The following NRP2 variants were observed in gnomAD, a reference collection of about 807,000 sequenced individuals.
NRP2 encodes the protein neuropilin-2.
NRP2 carries 52 observed loss-of-function variants against 110.4 expected under a neutral mutation model. The ratio of observed to expected loss-of-function variants is 0.47; its 90% CI spans 0.38 to 0.59. NRP2 has a LOEUF of 0.59. NRP2 is among the 20% of genes least tolerant of loss of function. The pLI is 0.00. For synonymous variants in NRP2, 508 were observed against 468.9 expected (o/e 1.08, Z -1.08); for missense variants, 1,049 against 1,203.0 (o/e 0.87, Z 1.89).
Position 205,691,664 on chromosome 2 carries a change from A to C in NRP2, c.74-5880A>C, listed in dbSNP as rs146167914. Reference sequence around the variant, plus strand: ...TGGTTTTTGGAGAGACCTCAAAATTATTCTTCTGTTTCCTTCCCCAAATGT... The same window carrying C: ...TGGTTTTTGGAGAGACCTCAAAATTCTTCTTCTGTTTCCTTCCCCAAATGT... On this transcript the variant is annotated intron_variant, in intron 1 of 16. Transcript: ENST00000357785. Among the ~76,000 whole-genome samples the C allele has an allele frequency of 2.6e-5, 4 of 152,246 alleles. No individual in the cohort carries two copies. In the East Asian group the frequency reaches 7.7e-4, roughly 29 times the overall value.
chr2:205,699,962 C>T (rs955311945), intron 2 of NRP2, among the ~76,000 whole-genome samples: 1 of 151,476 alleles, frequency 6.6e-6, no homozygotes, highest in Non-Finnish European at 1.5e-5. Flanking sequence ...ATTTCTCCCC[C>T]ACTCCCCATT....
At chr2:205,736,376 T>G (rs945898244) in intron 7 of NRP2, among the ~76,000 whole-genome samples, 1 of 152,058 alleles carries the variant, frequency 6.6e-6, no homozygotes, top group African/African-American at 2.4e-5. Context: ...AAATAAAAAA[T>G]ATATGTCCTC....
chr2:205,760,569 A>G (rs1394500652), intron 12 of NRP2, among the ~76,000 whole-genome samples: 1 of 152,010 alleles, frequency 6.6e-6, no homozygotes, highest in African/African-American at 2.4e-5. Flanking sequence ...GTTCCCCTAA[A>G]TCATGCATAG....
At position 205,716,176 on chromosome 2, in the gene NRP2, G is replaced by T. The variant is rs2056890441; in HGVS notation, c.252-17G>T. 1 of 1,613,848 alleles carries T rather than the reference G, an allele frequency of 6.2e-7. No individual in the cohort carries two copies. Among genetic ancestry groups the T allele is most frequent in the Admixed American group, 1.7e-5 (1 of 60,008 alleles). On this transcript the variant is annotated splice_polypyrimidine_tract_variant and intron_variant, in intron 2 of 16. Transcript: ENST00000357785. ...TCCTTCGAGTGATCTTTTCTTGTCTGTGCCATCCCCACCCAGGTATGACTT... is the reference window on the plus strand; with the variant it reads ...TCCTTCGAGTGATCTTTTCTTGTCTTTGCCATCCCCACCCAGGTATGACTT...
intron 14 of NRP2, 149 bp from the exon 15 acceptor site, chr2:205,766,634 G>C (rs1207866933): frequency 1.4e-6 from 1 of 717,170 alleles, no homozygotes; most frequent in Non-Finnish European, 2.5e-6. Context: ...CCTAGAACAT[G>C]TGGAAGATGG....
Position 205,795,292 on chromosome 2 carries a change from G to C in NRP2, c.*234G>C. 1.9e-6 allele frequency: 1 copy of C among 513,574 alleles called. No individual in the cohort carries two copies. The highest frequency in any genetic ancestry group is 3.6e-6 in the Non-Finnish European group (1 of 281,146). 31.8% of individuals were successfully genotyped at this position (513,574 alleles called of 1,614,324 possible). Reference sequence around the variant, plus strand: ...GCTAAGTCATTGCAGGAACGGGGCTGTGTTCTCTGCTGGGACAAAACAGGA... The same window carrying C: ...GCTAAGTCATTGCAGGAACGGGGCTCTGTTCTCTGCTGGGACAAAACAGGA... On this transcript the variant is annotated 3_prime_UTR_variant, in exon 17 of 17. Coordinates refer to ENST00000357785, the MANE Select transcript of NRP2 (RefSeq NM_003872.3).
intron 1 of NRP2, among the ~76,000 whole-genome samples, chr2:205,687,036 T>C (rs911336708): frequency 2.0e-5 from 3 of 152,122 alleles, no homozygotes. Flanking sequence ...GACACATCGC[T>C]TGGGGCCAAA....
At chr2:205,769,000 A>G (rs545319509) in intron 15 of NRP2, among the ~76,000 whole-genome samples, 18 of 152,290 alleles carry the variant, frequency 1.2e-4, no homozygotes, top group African/African-American at 4.1e-4. Flanking sequence ...CACAGCATGC[A>G]ACTCTGCCTT....
chr2:205,756,124 T>C (rs1240529387), intron 12 of NRP2, among the ~76,000 whole-genome samples: 1 of 152,206 alleles, frequency 6.6e-6, no homozygotes, highest in African/African-American at 2.4e-5. Flanking sequence ...GTTTTTGTTT[T>C]TCAAGATAGT....
chr2:205,782,745 C>T (rs983037714), intron 15 of NRP2, among the ~76,000 whole-genome samples: 2 of 152,148 alleles, frequency 1.3e-5, no homozygotes, highest in Non-Finnish European at 2.9e-5. Context: ...TCAGTACATA[C>T]TAATGCATCT....
rs768198234 is a variant in NRP2, at chr2:205,795,045, G to T, written c.2768G>T (p.Cys923Phe). ...HKVKMNHQKC[C>F]SEA is the part of the protein sequence containing the mutation. ...GTCAAGATGAACCACCAAAAGTGCT[G>T]CTCCGAGGCATGACGGATTGCACCT... Residue 923 changes from cysteine (C) to phenylalanine (F), a missense_variant, in exon 17 of 17, where the codon TGC (cysteine) becomes TTC (phenylalanine). Cys to Phe is a radical substitution (Grantham distance 205). Transcript: ENST00000357785. 4 of 1,613,982 alleles carry T rather than the reference G, an allele frequency of 2.5e-6. No homozygotes were observed. The highest frequency in any genetic ancestry group is 2.7e-5 in the African/African-American group (2 of 74,914).
chr2:205,753,745 G>A (rs1422815920), intron 12 of NRP2, among the ~76,000 whole-genome samples: 7 of 152,178 alleles, frequency 4.6e-5, no homozygotes, highest in East Asian at 1.9e-4. Flanking sequence ...GCTTTTTAAC[G>A]TTTGTCACTT....
At chr2:205,762,482 C>T (rs1337606453) in intron 12 of NRP2, 2 of 152,132 alleles carry the variant, frequency 1.3e-5, no homozygotes, top group African/African-American at 4.8e-5. Context: ...GCCCATCTAC[C>T]CTGACAAGTC....
Position 205,682,787 on chromosome 2 carries a change from A to G in NRP2, c.-504A>G, listed in dbSNP as rs113185080. The stretch of plus-strand genomic sequence containing the variant: ...GACAAGAGCAGGGCGGCCGCCTTCC[A>G]CTCGGGCTGTCCGGCGGCGGCTGCC... On this transcript the variant is annotated 5_prime_UTR_variant, in exon 1 of 17. Coordinates refer to ENST00000357785, the MANE Select transcript of NRP2 (RefSeq NM_003872.3). The surrounding 1 kb of genome is among the most constrained non-coding windows in gnomAD (Gnocchi z 4.3). 9,792 of 162,112 alleles carry G rather than the reference A, an allele frequency of 0.06. 396 individuals are homozygous for G. The highest frequency in any genetic ancestry group is 0.13 in the Middle Eastern group (41 of 308). 10.0% of individuals were successfully genotyped at this position (162,112 alleles called of 1,614,324 possible).
At chr2:205,741,751 G>T (rs937692562) in intron 8 of NRP2, among the ~76,000 whole-genome samples, 4 of 152,162 alleles carry the variant, frequency 2.6e-5, no homozygotes, top group African/African-American at 9.7e-5. Flanking sequence ...CCTGTTTGAG[G>T]TTTCTAGTTA....
At position 205,702,829 on chromosome 2, in the gene NRP2, G is replaced by A. The variant is rs532590327; in HGVS notation, c.251+5108G>A. The stretch of plus-strand genomic sequence containing the variant: ...TCTGCATGAGCCCCCTGAGTTCCCA[G>A]GGCTCCAGCCCTCCTTTCCCTCCCT... On this transcript the variant is annotated intron_variant, in intron 2 of 16. Transcript: ENST00000357785. Among the ~76,000 whole-genome samples the A allele has an allele frequency of 2.2e-4, 33 of 152,268 alleles. 1 individual carries two copies. The highest frequency in any genetic ancestry group is 6.7e-4 in the African/African-American group (28 of 41,540).
At position 205,754,135 on chromosome 2, in the gene NRP2, T is replaced by A. The variant is rs150777317; in HGVS notation, c.2044+1160T>A. Among the ~76,000 whole-genome samples the A allele has an allele frequency of 3.9e-5, 6 of 152,364 alleles. No individual in the cohort carries two copies. In the East Asian group the frequency reaches 1.2e-3, roughly 29 times the overall value. On this transcript the variant is annotated intron_variant, in intron 12 of 16. Coordinates refer to ENST00000357785, the MANE Select transcript of NRP2 (RefSeq NM_003872.3). ...TTTGAATTCTCCTGTACTTCTGGCC[T>A]GGACCTGAGACCTCCATAAGCACTG... is the stretch of plus-strand genomic sequence containing the variant.
rs373338064 is a variant in NRP2, at chr2:205,727,882, A to G, written c.991-9A>G. ...TGGTGGTCTCTTACTCCAGCCCTCT[A>G]TTCCCCAGGTGGACCTGCGCTTTTT... On this transcript the variant is annotated splice_polypyrimidine_tract_variant and intron_variant, in intron 6 of 16. Transcript: ENST00000357785. 4.3e-6 allele frequency: 7 copies of G among 1,611,556 alleles called. No individual in the cohort carries two copies. Among genetic ancestry groups the G allele is most frequent in the South Asian group, 1.1e-5 (1 of 90,340 alleles).
chr2:205,712,771 A>G (rs929900084), intron 2 of NRP2, among the ~76,000 whole-genome samples: 1 of 152,208 alleles, frequency 6.6e-6, no homozygotes, highest in South Asian at 2.1e-4. Flanking sequence ...GGGCAGAACC[A>G]GAAGACTGGA....
Sources: gnomAD v4.1 joint callset for allele counts (sites outside exome capture counted in the v4.1 genomes callset) on GRCh38, gnomAD v4.1.1 for gene constraint, Gnocchi (gnomAD v3.1) non-coding constraint, MANE v1.5 for transcripts, NCBI Gene and HGNC (gene_info 2026-07-23, HGNC 2026-07-21) for gene names.